Variants in NR4A1 observed in about 807,000 individuals in gnomAD.
NR4A1 encodes nuclear receptor subfamily 4immunitygroup A member 1.
A neutral mutation model predicts 47.5 loss-of-function variants in NR4A1; 24 were observed. That is an observed-to-expected ratio of 0.50 (90% CI 0.37 to 0.71). NR4A1 has a LOEUF of 0.71. Ranked by LOEUF, NR4A1 falls within the 30% of genes least tolerant of loss-of-function variation. The pLI is 0.00. For missense variants in NR4A1, 669 were observed against 788.6 expected, an observed-to-expected ratio of 0.85 and a Z score of 1.82; for synonymous variants, 353 against 345.7, an observed-to-expected ratio of 1.02 and a Z score of -0.24.
In NR4A1 at chr12:52,051,469, T is replaced by C. The variant is rs1565649092; in HGVS notation, c.-102T>C. 2.0e-6 allele frequency: 2 copies of C among 985,124 alleles called. No homozygotes were observed. The highest frequency in any genetic ancestry group is 6.2e-5 in the Admixed American group (1 of 16,250). The allele number at this position is 985,124 out of a possible 1,614,324, so 61.0% of individuals were successfully genotyped here. ...TCCCAGTGGCGGAGGCTACGAAACT[T>C]GGGGGAGTGCACAGAAGAACTTCGG... On this transcript the variant is annotated 5_prime_UTR_variant, in exon 1 of 7. Coordinates refer to ENST00000394825, the MANE Select transcript of NR4A1 (RefSeq NM_173157.3).
chr12:52,049,838 T>C (rs1451771771), upstream of NR4A1, among the ~76,000 whole-genome samples: 1 of 152,076 alleles, frequency 6.6e-6, no homozygotes, highest in East Asian at 1.9e-4. Context: ...TTTGAGGTGC[T>C]TGTGGGACCT....
chr12:52,052,312 A>T (rs1327037390), intron 1 of NR4A1, among the ~76,000 whole-genome samples: 127 of 147,064 alleles, frequency 8.6e-4, no homozygotes, highest in African/African-American at 3.0e-3. Context: ...TGTGAGAGAG[A>T]GAGAGAGAGA....
At chr12:52,043,560 C>T (rs1379281540) in intron 2 of NR4A1, 5 of 526,372 alleles carry the variant, frequency 9.5e-6, no homozygotes, top group Middle Eastern at 7.8e-4. Flanking sequence ...CAGGGTCACG[C>T]TCATGCTGGG....
At chr12:52,048,043 A>G (rs1003416660), upstream of NR4A1, among the ~76,000 whole-genome samples, 2 of 151,710 alleles carry the variant, frequency 1.3e-5, no homozygotes, top group Non-Finnish European at 2.9e-5. Flanking sequence ...CGTCCCAGCT[A>G]CTCAGGAGGC....
chr12:52,030,660 C>T (rs1183076868), intron 1 of NR4A1, among the ~76,000 whole-genome samples: 1 of 152,186 alleles, frequency 6.6e-6, no homozygotes, highest in Non-Finnish European at 1.5e-5. Context: ...AACTCCTGAC[C>T]TCATGTGATC....
In NR4A1 at chr12:52,055,214, A is replaced by G. The variant is rs1343085116; in HGVS notation, c.876+10A>G. 5 of 1,610,366 alleles carry G rather than the reference A, an allele frequency of 3.1e-6. No individual in the cohort carries two copies. Among genetic ancestry groups the G allele is most frequent in the Non-Finnish European group, 4.2e-6 (5 of 1,179,972 alleles). On this transcript the variant is annotated intron_variant, in intron 2 of 6. Transcript: ENST00000394825. ...CAAGGGCTTCTTCAAGGTACCGCGC[A>G]GCCCCAGGTGGGGCCTTTTGTTGGA...
upstream of NR4A1, among the ~76,000 whole-genome samples, chr12:52,046,942 G>C (rs1365055789): frequency 5.3e-5 from 8 of 152,300 alleles, no homozygotes; most frequent in East Asian, 1.5e-3. Context: ...AAAGTGGGTG[G>C]TGGGAAGGTT....
In NR4A1 at chr12:52,058,673, G is replaced by A. The variant is rs1215540567; in HGVS notation, c.1541-15G>A. 3 of 1,580,530 alleles carry A rather than the reference G, an allele frequency of 1.9e-6. No homozygotes were observed. Among genetic ancestry groups the A allele is most frequent in the African/African-American group, 1.3e-5 (1 of 74,116 alleles). On this transcript the variant is annotated splice_polypyrimidine_tract_variant and intron_variant, in intron 6 of 6. Coordinates refer to ENST00000394825, the MANE Select transcript of NR4A1 (RefSeq NM_173157.3). ...GGTTCTCAGATGTACAGCTAATCCT[G>A]TACCCTTCCCGCAGACCGGCATGGG...
chr12:52,058,462 G>T, intron 6 of NR4A1: 1 of 562,252 alleles, frequency 1.8e-6, no homozygotes, highest in South Asian at 2.7e-5. Flanking sequence ...CAAGTCATTA[G>T]CCTCCTGGGC....
chr12:52,045,353 T>C (rs1250432453), intron 2 of NR4A1: 2 of 298,224 alleles, frequency 6.7e-6, no homozygotes, highest in East Asian at 2.3e-4. Context: ...CAGGGCCGAG[T>C]GTGGGACTTG....
At chr12:52,033,133 C>T (rs1174162408) in intron 1 of NR4A1, among the ~76,000 whole-genome samples, 2 of 152,174 alleles carry the variant, frequency 1.3e-5, no homozygotes, top group Admixed American at 6.5e-5. Context: ...TGCTGCGGCT[C>T]CCTCCGGACT....
intron 3 of NR4A1, 101 bp downstream of exon 3, chr12:52,056,260 C>T: frequency 7.4e-6 from 11 of 1,477,414 alleles, no homozygotes; most frequent in Non-Finnish European, 9.9e-6. Flanking sequence ...CAGAGGAGGG[C>T]ACGTCTTATT....
rs780567437 is a variant in NR4A1, at chr12:52,054,445, C to G, written c.117C>G (p.Ser39Arg). Residue 39 changes from serine (S) to arginine (R), a missense_variant, in exon 2 of 7, where the codon AGC (serine) becomes AGG (arginine). Coordinates refer to ENST00000394825, the MANE Select transcript of NR4A1 (RefSeq NM_173157.3). The part of the protein sequence containing the change: ...EFIKPTMDLA[S>R]PEAAPAAPTA... ...TCAAGCCCACCATGGACCTGGCCAG[C>G]CCCGAGGCAGCCCCCGCTGCCCCCA... 2 of 1,613,706 alleles carry G rather than the reference C, an allele frequency of 1.2e-6. No individual in the cohort carries two copies. The highest frequency in any genetic ancestry group is 3.3e-5 in the Admixed American group (2 of 60,026).
At chr12:52,047,512 T>A (rs1938697589), upstream of NR4A1, among the ~76,000 whole-genome samples, 1 of 152,250 alleles carries the variant, frequency 6.6e-6, no homozygotes, top group Admixed American at 6.5e-5. Flanking sequence ...TATTTACTTA[T>A]TTTCAGAATG....
chr12:52,048,436 T>C (rs1938759202), upstream of NR4A1, among the ~76,000 whole-genome samples: 1 of 151,594 alleles, frequency 6.6e-6, no homozygotes, highest in African/African-American at 2.4e-5. Context: ...CTGCTAAAAA[T>C]ACAAAAAAAT....
intron 1 of NR4A1, among the ~76,000 whole-genome samples, chr12:52,027,327 T>C (rs1182269245): frequency 6.6e-6 from 1 of 152,206 alleles, no homozygotes; most frequent in African/African-American, 2.4e-5. Flanking sequence ...TGCCAGCAGC[T>C]CGGGTTACCC....
chr12:52,037,990 C>T (rs1187588827), intron 1 of NR4A1: 3 of 985,018 alleles, frequency 3.0e-6, no homozygotes, highest in South Asian at 4.7e-5. Flanking sequence ...TATTTCCAGA[C>T]CTCCTCCATG....
chr12:52,034,963 G>T (rs1938205149), intron 1 of NR4A1, among the ~76,000 whole-genome samples: 1 of 152,176 alleles, frequency 6.6e-6, no homozygotes, highest in African/African-American at 2.4e-5. Context: ...TGTGAGATAG[G>T]TTTCTTATCA....
At position 52,031,778 on chromosome 12, in the gene NR4A1, AT is replaced by A. The variant is rs61279135; in HGVS notation, c.-84+8858del. 6.4e-3 allele frequency among the ~76,000 whole-genome samples: 803 copies of A among 125,842 alleles called. 8 individuals carry two copies. The East Asian group carries it at 0.083, about 13-fold the overall frequency. The allele number at this position is 125,842 out of a possible 152,430, so 82.6% of individuals were successfully genotyped here. A position where few individuals can be genotyped will look rare whatever the true frequency, so the allele number is the denominator to read the frequency against. On this transcript the variant is annotated intron_variant, in intron 1 of 7. Transcript: ENST00000360284. Reference sequence around the variant, plus strand: ...TTTCTCTTTATGGTTGTGATGGTTAATTTTTTTTTTTTTTTTTTTGAGACGG... The same window carrying A: ...TTTCTCTTTATGGTTGTGATGGTTAATTTTTTTTTTTTTTTTTTGAGACGG...
Sources: allele counts gnomAD v4.1 joint callset (sites outside exome capture counted in the v4.1 genomes callset), GRCh38; gene constraint gnomAD v4.1.1; transcripts MANE v1.5; gene names NCBI Gene and HGNC (gene_info 2026-07-23, HGNC 2026-07-21).